The following CTNNA2 variants were observed in gnomAD, a reference collection of about 807,000 sequenced individuals.
CTNNA2 encodes catenin alpha 2, also known as catenin alpha-2.
A neutral mutation model predicts 101.0 loss-of-function variants in CTNNA2; 42 were observed. That is an observed-to-expected ratio of 0.42 (90% CI 0.32 to 0.54). The LOEUF (loss-of-function observed/expected upper bound fraction) is 0.54, where lower values mean the gene tolerates loss of function less well. Among genes scored for constraint, CTNNA2 ranks in the 20% least tolerant of loss-of-function variants. The pLI is 0.14. For synonymous variants in CTNNA2, 450 were observed against 456.4 expected, an observed-to-expected ratio of 0.99 and a Z score of 0.18; for missense variants, 871 against 1,223.1, an observed-to-expected ratio of 0.71 and a Z score of 4.29.
intron 12 of CTNNA2, among the ~76,000 whole-genome samples, chr2:80,561,084 T>A (rs867018151): frequency 3.3e-5 from 5 of 152,128 alleles, no homozygotes; most frequent in African/African-American, 1.2e-4. Context: ...CTGTTGCTAG[T>A]GGAATAGAGT....
intron 7 of CTNNA2, among the ~76,000 whole-genome samples, chr2:80,301,141 C>A (rs1377706720): frequency 6.6e-6 from 1 of 152,168 alleles, no homozygotes; most frequent in South Asian, 2.1e-4. Flanking sequence ...TGCTACAAGT[C>A]ATTACCCTGC....
At chr2:80,168,335 G>A (rs1298335554) in intron 7 of CTNNA2, among the ~76,000 whole-genome samples, 3 of 152,124 alleles carry the variant, frequency 2.0e-5, no homozygotes, top group Admixed American at 2.0e-4. Flanking sequence ...GAGGTGCAGG[G>A]ATGTGGGGAC....
chr2:80,471,112 A>T (rs1298526425), intron 9 of CTNNA2, among the ~76,000 whole-genome samples: 1 of 152,190 alleles, frequency 6.6e-6, no homozygotes, highest in Non-Finnish European at 1.5e-5. Context: ...TTGCAGTGGG[A>T]AGCCATGGAG....
chr2:79,408,317 A>AT (rs1309151081), intron 4 of CTNNA2, among the ~76,000 whole-genome samples: 93 of 148,500 alleles, frequency 6.3e-4, no homozygotes, highest in African/African-American at 2.2e-3. Context: ...TATTATTATT[A>AT]TAATACTTTA....
chr2:79,608,719 A>G (rs952752247), intron 1 of CTNNA2, among the ~76,000 whole-genome samples: 3 of 152,108 alleles, frequency 2.0e-5, no homozygotes, highest in Non-Finnish European at 4.4e-5. Flanking sequence ...TCATTATAAA[A>G]TTCTCAGCCA....
intron 9 of CTNNA2, among the ~76,000 whole-genome samples, chr2:80,497,911 C>T (rs1008839784): frequency 6.6e-6 from 1 of 152,156 alleles, no homozygotes; most frequent in South Asian, 2.1e-4. Context: ...GAGATCAGAC[C>T]ATGGCTGACA....
chr2:80,373,409 C>T (rs1162954952), intron 7 of CTNNA2, among the ~76,000 whole-genome samples: 1 of 152,126 alleles, frequency 6.6e-6, no homozygotes, highest in Non-Finnish European at 1.5e-5. Context: ...AGAAATATTG[C>T]CCATAAGGGG....
intron 9 of CTNNA2, among the ~76,000 whole-genome samples, chr2:80,514,322 T>G (rs538644621): frequency 6.6e-6 from 1 of 152,264 alleles, no homozygotes; most frequent in Non-Finnish European, 1.5e-5. Flanking sequence ...GTTGGGTGCC[T>G]GCGACCTCTG....
chr2:80,023,551 T>G (rs987104952), intron 7 of CTNNA2, among the ~76,000 whole-genome samples: 3 of 152,208 alleles, frequency 2.0e-5, no homozygotes, highest in Admixed American at 1.3e-4. Context: ...TGGTTCTATT[T>G]CCAAAGTACG....
At chr2:79,512,643 G>A (rs1671581117), upstream of CTNNA2, among the ~76,000 whole-genome samples, 1 of 151,572 alleles carries the variant, frequency 6.6e-6, no homozygotes, top group Admixed American at 6.6e-5. Flanking sequence ...TCAGCTCCGG[G>A]TCCCCGCCCG....
intron 2 of CTNNA2, among the ~76,000 whole-genome samples, chr2:79,288,098 G>C (rs1379204130): frequency 6.6e-6 from 1 of 152,204 alleles, no homozygotes; most frequent in African/African-American, 2.4e-5. Flanking sequence ...GCCTCGCCCT[G>C]CTTCACCTCG....
At chr2:80,256,978 G>A (rs149133111) in intron 7 of CTNNA2, among the ~76,000 whole-genome samples, 8 of 152,258 alleles carry the variant, frequency 5.3e-5, no homozygotes, top group African/African-American at 1.4e-4. Context: ...GCTTCATTTT[G>A]TAGGAAGGAT....
chr2:79,370,817 G>C (rs538581667), intron 3 of CTNNA2, among the ~76,000 whole-genome samples: 6 of 152,142 alleles, frequency 3.9e-5, no homozygotes, highest in Non-Finnish European at 8.8e-5. Flanking sequence ...ATAATTTACA[G>C]AGTCCAGATG....
chr2:80,519,722 C>T (rs1027511484), intron 9 of CTNNA2, among the ~76,000 whole-genome samples: 1 of 152,190 alleles, frequency 6.6e-6, no homozygotes, highest in Admixed American at 6.5e-5. Flanking sequence ...TTGTAGAGGA[C>T]AACTACATGC....
At chr2:79,358,605 C>A (rs1387071403) in intron 3 of CTNNA2, among the ~76,000 whole-genome samples, 1 of 152,156 alleles carries the variant, frequency 6.6e-6, no homozygotes, top group Non-Finnish European at 1.5e-5. Flanking sequence ...AAAAGGAGGA[C>A]ATACCACATA....
chr2:80,068,966 A>G (rs1485033820), intron 7 of CTNNA2, among the ~76,000 whole-genome samples: 2 of 152,222 alleles, frequency 1.3e-5, no homozygotes, highest in African/African-American at 4.8e-5. Context: ...TTCTCCAGAG[A>G]AACAACCAAT....
intron 7 of CTNNA2, among the ~76,000 whole-genome samples, chr2:80,129,982 G>T (rs1702327101): frequency 6.6e-6 from 1 of 152,084 alleles, no homozygotes; most frequent in Non-Finnish European, 1.5e-5. Context: ...GGTCAGTGTG[G>T]GAATTGCTCA....
At chr2:79,845,656 G>C (rs1231121290) in intron 3 of CTNNA2, among the ~76,000 whole-genome samples, 1 of 152,144 alleles carries the variant, frequency 6.6e-6, no homozygotes, top group Non-Finnish European at 1.5e-5. Flanking sequence ...GATTCATCAT[G>C]ACCCTAGTGA....
intron 1 of CTNNA2, among the ~76,000 whole-genome samples, chr2:79,634,359 A>G (rs144453649): frequency 7.8e-4 from 119 of 152,240 alleles, no homozygotes; most frequent in Middle Eastern, 3.4e-3. Context: ...ATGCAACTCT[A>G]TTTATTGTAG....
Sources: allele counts gnomAD v4.1 joint callset (sites outside exome capture counted in the v4.1 genomes callset), GRCh38; gene constraint gnomAD v4.1.1; transcripts MANE v1.5; gene names NCBI Gene and HGNC (gene_info 2026-07-23, HGNC 2026-07-21).